Variants in EXOC6B observed in about 807,000 individuals in gnomAD.
EXOC6B encodes the protein SEC15 homolog B.
EXOC6B carries 54 observed loss-of-function variants against 113.5 expected under a neutral mutation model. The ratio of observed to expected loss-of-function variants is 0.48; its 90% CI spans 0.38 to 0.60. EXOC6B has a LOEUF of 0.60. Among genes scored for constraint, EXOC6B ranks in the 20% least tolerant of loss-of-function variants. The pLI is 0.00. For missense variants in EXOC6B, 797 were observed against 977.5 expected (o/e 0.82, Z 2.46); for synonymous variants, 357 against 339.0 (o/e 1.05, Z -0.58).
chr2:72,766,056 C>T (rs2104922128), intron 1 of EXOC6B, among the ~76,000 whole-genome samples: 1 of 152,222 alleles, frequency 6.6e-6, no homozygotes, highest in Middle Eastern at 3.4e-3. Flanking sequence ...AGCAAAAAGA[C>T]TCAGAGAAGC....
rs536709500 is a variant in EXOC6B, at chr2:72,358,960, T to C, written c.2122+20769A>G. On this transcript the variant is annotated intron_variant, in intron 19 of 21. Coordinates refer to ENST00000272427, the MANE Select transcript of EXOC6B (RefSeq NM_015189.3). ...ACTGAAGTAATTGCTAATTGCATCA[T>C]ATTTATTCACTCAAAAAATATTTAT... is the stretch of plus-strand genomic sequence containing the variant. Among the ~76,000 whole-genome samples, 144 of 152,328 alleles carry C rather than the reference T, an allele frequency of 9.5e-4. No homozygotes were observed. The South Asian group carries it at 0.029, about 31-fold the overall frequency.
intron 20 of EXOC6B, among the ~76,000 whole-genome samples, chr2:72,281,938 C>A (rs2104673490): frequency 6.6e-6 from 1 of 152,170 alleles, no homozygotes; most frequent in South Asian, 2.1e-4. Flanking sequence ...AAGACTGATA[C>A]CTGACTTCAT....
chr2:72,194,221 A>T (rs1481530156), intron 20 of EXOC6B, among the ~76,000 whole-genome samples: 1 of 152,160 alleles, frequency 6.6e-6, no homozygotes. Flanking sequence ...TGGCGTAAGA[A>T]TTATTTTATG....
intron 6 of EXOC6B, among the ~76,000 whole-genome samples, chr2:72,671,819 G>GAAAGAAAC (rs1553464116): frequency 2.3e-5 from 3 of 132,898 alleles, no homozygotes; most frequent in African/African-American, 8.3e-5. Flanking sequence ...AAGAAAGAAA[G>GAAAGAAAC]AAGAGAAAAG....
chr2:72,449,357 G>A (rs1399486791), intron 18 of EXOC6B, among the ~76,000 whole-genome samples: 1 of 151,892 alleles, frequency 6.6e-6, no homozygotes, highest in South Asian at 2.1e-4. Flanking sequence ...ATTTTTAGTA[G>A]AGACAGAGTT....
At chr2:72,407,041 C>T (rs1299172716) in intron 18 of EXOC6B, among the ~76,000 whole-genome samples, 16 of 151,976 alleles carry the variant, frequency 1.1e-4, no homozygotes, top group South Asian at 2.1e-4. Flanking sequence ...ATATCACCAC[C>T]GATCCCACAG....
chr2:72,610,847 A>C (rs1671031382), intron 6 of EXOC6B, among the ~76,000 whole-genome samples: 1 of 151,906 alleles, frequency 6.6e-6, no homozygotes, highest in Non-Finnish European at 1.5e-5. Flanking sequence ...AAAACGGAAA[A>C]CTCCGCAGTG....
chr2:72,748,698 T>G (rs887980120), intron 1 of EXOC6B, among the ~76,000 whole-genome samples: 4 of 151,994 alleles, frequency 2.6e-5, no homozygotes, highest in Non-Finnish European at 4.4e-5. Context: ...AAGAATGCTG[T>G]GATGCAGATT....
chr2:72,426,859 C>T (rs1305902344), intron 18 of EXOC6B, among the ~76,000 whole-genome samples: 1 of 152,274 alleles, frequency 6.6e-6, no homozygotes, highest in Non-Finnish European at 1.5e-5. Context: ...ACCACTCCAG[C>T]TGCAGAGAGG....
At chr2:72,795,399 C>T (rs995463807) in intron 1 of EXOC6B, among the ~76,000 whole-genome samples, 3 of 152,014 alleles carry the variant, frequency 2.0e-5, no homozygotes, top group African/African-American at 7.2e-5. Flanking sequence ...CATGGTGAAA[C>T]CCCATCTCTA....
intron 11 of EXOC6B, among the ~76,000 whole-genome samples, chr2:72,504,027 G>A (rs931251960): frequency 3.3e-5 from 5 of 151,860 alleles, no homozygotes; most frequent in East Asian, 1.9e-4. Context: ...CCCACTTCAC[G>A]CTCTAGAGTA....
intron 6 of EXOC6B, among the ~76,000 whole-genome samples, chr2:72,637,434 GA>G (rs1385276062): frequency 1.3e-5 from 2 of 150,812 alleles, no homozygotes; most frequent in East Asian, 2.0e-4. Flanking sequence ...AAATTTACAA[GA>G]AAAAAACAAA....
At chr2:72,263,352 T>C (rs1371433783) in intron 20 of EXOC6B, 3 of 152,238 alleles carry the variant, frequency 2.0e-5, no homozygotes, top group Non-Finnish European at 4.4e-5. Context: ...ATTTAATCCT[T>C]GTTTGTTTGA....
intron 2 of EXOC6B, among the ~76,000 whole-genome samples, chr2:72,740,855 C>A (rs1209731096): frequency 1.3e-5 from 2 of 152,180 alleles, no homozygotes; most frequent in Non-Finnish European, 2.9e-5. Flanking sequence ...GTAATCCCAG[C>A]ACCTTGGGAG....
chr2:72,542,262 T>C (rs564303188), intron 8 of EXOC6B, among the ~76,000 whole-genome samples: 4 of 152,288 alleles, frequency 2.6e-5, no homozygotes, highest in African/African-American at 9.6e-5. Flanking sequence ...TTTCAGAAAC[T>C]CTAGTTAAAG....
chr2:72,398,619 C>T (rs953205331), intron 18 of EXOC6B, among the ~76,000 whole-genome samples: 1 of 151,680 alleles, frequency 6.6e-6, no homozygotes, highest in African/African-American at 2.4e-5. Flanking sequence ...ATGGCTTGAA[C>T]CCAGGAGGCA....
intron 20 of EXOC6B, among the ~76,000 whole-genome samples, chr2:72,194,423 T>A (rs746855801): frequency 1.3e-5 from 2 of 152,098 alleles, no homozygotes; most frequent in Non-Finnish European, 2.9e-5. Context: ...CCAGACAACT[T>A]TGGAGACCTG....
At chr2:72,295,538 T>A (rs1178918377) in intron 20 of EXOC6B, among the ~76,000 whole-genome samples, 1 of 152,162 alleles carries the variant, frequency 6.6e-6, no homozygotes, top group East Asian at 1.9e-4. Context: ...ACTGAACAGG[T>A]AAGTTAAAAT....
At chr2:72,396,513 C>A (rs1334790010) in intron 18 of EXOC6B, among the ~76,000 whole-genome samples, 2 of 152,016 alleles carry the variant, frequency 1.3e-5, no homozygotes, top group Non-Finnish European at 2.9e-5. Flanking sequence ...CACAACAATG[C>A]TAAAATAAAG....
Sources: gnomAD v4.1 joint callset for allele counts (sites outside exome capture counted in the v4.1 genomes callset) on GRCh38, gnomAD v4.1.1 for gene constraint, MANE v1.5 for transcripts, NCBI Gene and HGNC (gene_info 2026-07-23, HGNC 2026-07-21) for gene names.